Variants in DACH2 observed in about 807,000 individuals in gnomAD.
The protein encoded by DACH2 is dachshund family transcription factor 2, also known as dachshund homolog 2.
In DACH2, 17 loss-of-function variants were observed where a neutral mutation model predicts 35.8. The observed-to-expected ratio is 0.48, with a 90% CI of 0.33 to 0.71. DACH2 has a LOEUF of 0.71. Among genes scored for constraint, DACH2 ranks in the 30% least tolerant of loss-of-function variants. The pLI is 0.02. For synonymous variants in DACH2, 195 were observed against 177.3 expected (o/e 1.10, Z -0.79); for missense variants, 469 against 472.7 (o/e 0.99, Z 0.07).
chrX:86,784,776 A>G (rs2042121410), intron 7 of DACH2, among the ~76,000 whole-genome samples: 1 of 112,247 alleles, frequency 8.9e-6, no homozygotes, highest in Non-Finnish European at 1.9e-5. Flanking sequence ...GTAAATATAT[A>G]GCAGAGAATA....
chrX:86,429,624 G>A (rs771586645), intron 2 of DACH2, among the ~76,000 whole-genome samples: 9 of 107,617 alleles, frequency 8.4e-5, no homozygotes, highest in Non-Finnish European at 1.2e-4. Context: ...GCAGTGGTGC[G>A]ATCTCGGCTC....
chrX:86,426,083 A>C (rs2036889157), intron 2 of DACH2, among the ~76,000 whole-genome samples: 1 of 111,687 alleles, frequency 9.0e-6, no homozygotes, highest in Non-Finnish European at 1.9e-5. Flanking sequence ...TTTAAATGAT[A>C]AATATTGTAG....
intron 1 of DACH2, among the ~76,000 whole-genome samples, chrX:86,225,972 C>A (rs1412492201): frequency 9.0e-6 from 1 of 111,218 alleles, no homozygotes; most frequent in African/African-American, 3.3e-5. Context: ...TTTGGATTCT[C>A]AAATTGTTTT....
intron 3 of DACH2, among the ~76,000 whole-genome samples, chrX:86,516,684 T>G (rs2038473056): frequency 9.0e-6 from 1 of 110,902 alleles, no homozygotes; most frequent in Non-Finnish European, 1.9e-5. Context: ...TATTACCCAA[T>G]AGTAATGTTT....
At chrX:86,324,828 CTTAT>C (rs778502427) in intron 1 of DACH2, among the ~76,000 whole-genome samples, 117 of 109,159 alleles carry the variant, frequency 1.1e-3, no homozygotes, top group Admixed American at 2.2e-3. Context: ...CCACTGTTGT[CTTAT>C]TTTAAGAAAT....
chrX:86,252,582 A>C (rs991864177), intron 1 of DACH2, among the ~76,000 whole-genome samples: 2 of 111,239 alleles, frequency 1.8e-5, no homozygotes, highest in Admixed American at 1.9e-4. Context: ...TATCCCAGCA[A>C]CATTTGTTGA....
At chrX:86,306,949 C>T (rs942658866) in intron 1 of DACH2, among the ~76,000 whole-genome samples, 1 of 111,127 alleles carries the variant, frequency 9.0e-6, no homozygotes, top group Admixed American at 9.7e-5. Context: ...CCCAAAAATG[C>T]TAAGGACTCT....
At chrX:86,785,778 T>C (rs1040317651) in intron 7 of DACH2, among the ~76,000 whole-genome samples, 1 of 111,433 alleles carries the variant, frequency 9.0e-6, no homozygotes, top group Non-Finnish European at 1.9e-5. Context: ...GTTTGAAAAA[T>C]GGAGAATTCT....
intron 1 of DACH2, among the ~76,000 whole-genome samples, chrX:86,307,433 T>C (rs974268026): frequency 8.9e-6 from 1 of 111,790 alleles, no homozygotes; most frequent in Admixed American, 9.5e-5. Flanking sequence ...TGGGGATGTG[T>C]GAGAAGACCC....
At chrX:86,648,444 G>A (rs2040439621) in intron 3 of DACH2, among the ~76,000 whole-genome samples, 1 of 110,934 alleles carries the variant, frequency 9.0e-6, no homozygotes, top group African/African-American at 3.3e-5. Flanking sequence ...AAATCTATCA[G>A]TGTTACACTG....
At chrX:86,535,362 A>G (rs2038782780) in intron 3 of DACH2, among the ~76,000 whole-genome samples, 1 of 111,636 alleles carries the variant, frequency 9.0e-6, no homozygotes, top group Admixed American at 9.6e-5. Context: ...TATAATTATA[A>G]ACCAAAAGTA....
chrX:86,769,826 CAG>C (rs1257515457), intron 7 of DACH2, among the ~76,000 whole-genome samples: 9 of 109,432 alleles, frequency 8.2e-5, no homozygotes, highest in Middle Eastern at 4.7e-3. Flanking sequence ...TAAATGATAA[CAG>C]AAGCTTTGTG....
chrX:86,355,155 T>C lies in DACH2; in HGVS notation c.489-21669T>C, dbSNP rs749372649. Among the ~76,000 whole-genome samples the C allele has an allele frequency of 1.7e-4, 19 of 111,911 alleles. No homozygotes were observed. In the South Asian group the frequency reaches 5.6e-3, roughly 33 times the overall value. ...CCCACTTATACGTGAACATACGTGGTATTTGGTTTTTTGTTCCTGCATTGA... is the reference window on the plus strand; with the variant it reads ...CCCACTTATACGTGAACATACGTGGCATTTGGTTTTTTGTTCCTGCATTGA... On this transcript the variant is annotated intron_variant, in intron 1 of 11. Coordinates refer to ENST00000373125, the MANE Select transcript of DACH2 (RefSeq NM_053281.3).
intron 2 of DACH2, among the ~76,000 whole-genome samples, chrX:86,400,545 A>T (rs1489159776): frequency 3.6e-5 from 4 of 111,709 alleles, no homozygotes; most frequent in Admixed American, 1.9e-4. Flanking sequence ...GGTGACGTAC[A>T]GATGGGTTTT....
chrX:86,312,726 T>C (rs1007724110), intron 1 of DACH2, among the ~76,000 whole-genome samples: 14 of 111,998 alleles, frequency 1.3e-4, no homozygotes, highest in African/African-American at 3.9e-4. Flanking sequence ...AATATTGGAC[T>C]CCAATTTCTT....
intron 2 of DACH2, among the ~76,000 whole-genome samples, chrX:86,377,704 G>C (rs1403886958): frequency 9.1e-6 from 1 of 110,275 alleles, no homozygotes; most frequent in Non-Finnish European, 1.9e-5. Context: ...GGCTGCCCTT[G>C]ATGCAGGCTT....
intron 1 of DACH2, among the ~76,000 whole-genome samples, chrX:86,213,001 T>C (rs915251341): frequency 8.0e-5 from 9 of 111,895 alleles, no homozygotes; most frequent in Non-Finnish European, 1.7e-4. Flanking sequence ...TGCAGTATTC[T>C]ATTAGCATTC....
intron 2 of DACH2, among the ~76,000 whole-genome samples, chrX:86,464,847 AC>A (rs1368089780): frequency 8.9e-6 from 1 of 112,096 alleles, no homozygotes; most frequent in Non-Finnish European, 1.9e-5. Context: ...CAATAAAAAA[AC>A]ACAAATCTAT....
intron 2 of DACH2, among the ~76,000 whole-genome samples, chrX:86,444,601 T>A (rs761870456): frequency 8.7e-4 from 97 of 111,946 alleles, no homozygotes; most frequent in Non-Finnish European, 1.6e-3. Flanking sequence ...AATAGTTATT[T>A]TATATTTCTG....
Sources: gnomAD v4.1 joint callset for allele counts (sites outside exome capture counted in the v4.1 genomes callset) on GRCh38, gnomAD v4.1.1 for gene constraint, MANE v1.5 for transcripts, NCBI Gene and HGNC (gene_info 2026-07-23, HGNC 2026-07-21) for gene names.